The following CAMK4 variants were observed in gnomAD, a reference collection of about 807,000 sequenced individuals.
CAMK4 encodes calcium/calmodulin dependent protein kinase IV.
Under a neutral mutation model 44.9 loss-of-function variants are expected in CAMK4, and 22 were observed. That is an observed-to-expected ratio of 0.49 (90% CI 0.35 to 0.70). CAMK4 has a LOEUF of 0.70. Among genes scored for constraint, CAMK4 ranks in the 30% least tolerant of loss-of-function variants. The pLI is 0.01. For synonymous variants in CAMK4, 218 were observed against 215.4 expected (o/e 1.01, Z -0.11); for missense variants, 498 against 586.8 (o/e 0.85, Z 1.56).
chr5:111,288,502 T>G (rs1644512), intron 1 of CAMK4, among the ~76,000 whole-genome samples: 43,475 of 152,166 alleles, frequency 0.29, 7,356 homozygotes, highest in East Asian at 0.43. Flanking sequence ...ACATTTTAAT[T>G]TATATTTTTC....
At chr5:111,422,147 C>G (rs1188544416) in intron 5 of CAMK4, among the ~76,000 whole-genome samples, 1 of 152,208 alleles carries the variant, frequency 6.6e-6, no homozygotes, top group Non-Finnish European at 1.5e-5. Context: ...CTAACCTTAG[C>G]AGTCTATACA....
intron 1 of CAMK4, among the ~76,000 whole-genome samples, chr5:111,311,888 T>C (rs1252636229): frequency 6.6e-6 from 1 of 152,168 alleles, no homozygotes; most frequent in Non-Finnish European, 1.5e-5. Flanking sequence ...GTGTTGTTGC[T>C]ATTTGGCTTT....
At chr5:111,371,435 C>T (rs902070501) in intron 2 of CAMK4, among the ~76,000 whole-genome samples, 1 of 152,208 alleles carries the variant, frequency 6.6e-6, no homozygotes, top group Non-Finnish European at 1.5e-5. Flanking sequence ...ATTCTTCCAT[C>T]TTTCACTATC....
At chr5:111,449,923 T>C (rs1366261847) in intron 7 of CAMK4, 1 of 152,246 alleles carries the variant, frequency 6.6e-6, no homozygotes, top group African/African-American at 2.4e-5. Context: ...TTATTGAATA[T>C]GTCACAGATC....
At chr5:111,469,206 T>TATATATA (rs1754976242) in intron 7 of CAMK4, among the ~76,000 whole-genome samples, 7 of 134,996 alleles carry the variant, frequency 5.2e-5, no homozygotes, top group Non-Finnish European at 7.8e-5. Context: ...TATATATATA[T>TATATATA]TTGAAAGTTA....
At chr5:111,295,832 C>T (rs897069075) in intron 1 of CAMK4, among the ~76,000 whole-genome samples, 1 of 152,072 alleles carries the variant, frequency 6.6e-6, no homozygotes, top group Non-Finnish European at 1.5e-5. Context: ...ATATGCTTTT[C>T]GGTTTTGGTC....
Position 111,482,944 on chromosome 5 carries a change from T to C in CAMK4, c.981+7T>C. On this transcript the variant is annotated splice_region_variant and intron_variant, in intron 10 of 10. Transcript: ENST00000282356. This position sits in a 1 kb window ranked among gnomAD's most constrained non-coding sequence, Gnocchi z 4.9. The stretch of plus-strand genomic sequence containing the variant: ...TGCCCGGCGTAAGCTTAAGGTAAGA[T>C]AGCATATATTTTGTTTTGTTTTGTT... The C allele has an allele frequency of 6.3e-7, 1 of 1,587,866 alleles. No homozygotes were observed. The highest frequency in any genetic ancestry group is 8.5e-7 in the Non-Finnish European group (1 of 1,171,988).
At chr5:111,231,871 C>G (rs1278870133) in intron 1 of CAMK4, among the ~76,000 whole-genome samples, 1 of 152,034 alleles carries the variant, frequency 6.6e-6, no homozygotes, top group Non-Finnish European at 1.5e-5. Flanking sequence ...CTAGACTTGT[C>G]CACATGCAGA....
intron 7 of CAMK4, among the ~76,000 whole-genome samples, chr5:111,459,607 T>C (rs1021276155): frequency 1.3e-5 from 2 of 152,138 alleles, no homozygotes; most frequent in African/African-American, 4.8e-5. Flanking sequence ...ATTGAGATGG[T>C]TGATAAAATC....
chr5:111,303,233 A>G (rs306132), intron 1 of CAMK4, among the ~76,000 whole-genome samples: 63,898 of 120,162 alleles, frequency 0.53, 18,100 homozygotes, highest in East Asian at 0.73. Context: ...CAACGGAACA[A>G]AGCTGGATGG....
intron 1 of CAMK4, among the ~76,000 whole-genome samples, chr5:111,245,643 C>A (rs889042418): frequency 2.0e-5 from 3 of 152,166 alleles, no homozygotes; most frequent in Non-Finnish European, 4.4e-5. Flanking sequence ...CTTGACTTCT[C>A]CAACTGATTC....
chr5:111,375,814 T>C (rs1229064688), intron 3 of CAMK4, among the ~76,000 whole-genome samples: 2 of 152,134 alleles, frequency 1.3e-5, no homozygotes, highest in African/African-American at 4.8e-5. Flanking sequence ...TCCTCATGCT[T>C]TTCCCTCCTG....
At chr5:111,478,698 A>G (rs1274224201) in intron 9 of CAMK4, among the ~76,000 whole-genome samples, 191 bp downstream of exon 9, 1 of 152,212 alleles carries the variant, frequency 6.6e-6, no homozygotes, top group Non-Finnish European at 1.5e-5. Context: ...TTTTTGACTC[A>G]TCACTAGTTG....
chr5:111,484,418 T>G lies in CAMK4; in HGVS notation c.1374T>G (p.Ala458=), dbSNP rs6886469. The G allele has an allele frequency of 1.3e-3, 2,037 of 1,544,632 alleles. 26 individuals carry two copies. In the African/African-American group the frequency reaches 0.024, roughly 19 times the overall value. The change falls in exon 11 of 11, where the codon GCT becomes GCG. Residue 458 remains alanine, a synonymous_variant. Coordinates refer to ENST00000282356, the MANE Select transcript of CAMK4 (RefSeq NM_001744.6). The surrounding 1 kb of genome is among the most constrained non-coding windows in gnomAD (Gnocchi z 5.3). ...AAPREGQGSS[A]VGFEVPQQDV... ...CCAGAGAAGGGCAAGGAAGCTCTGC[T>G]GTGGGTTTTGAAGTTCCACAGCAAG...
At chr5:111,375,435 A>G (rs1041616030) in intron 3 of CAMK4, among the ~76,000 whole-genome samples, 1 of 152,174 alleles carries the variant, frequency 6.6e-6, no homozygotes, top group Non-Finnish European at 1.5e-5. Context: ...AAGATCTAGT[A>G]AAAAGCGTTC....
chr5:111,371,902 C>T lies in CAMK4; in HGVS notation c.241-2948C>T, dbSNP rs1011872945. 3.3e-5 allele frequency among the ~76,000 whole-genome samples: 5 copies of T among 152,132 alleles called. No individual in the cohort carries two copies. In the East Asian group the frequency reaches 9.6e-4, roughly 29 times the overall value. ...GACATCAAAACAATTGACAAGGTTG[C>T]TGCCCAGAAGTAGAGAAAACAGCAG... On this transcript the variant is annotated intron_variant, in intron 2 of 10. Coordinates refer to ENST00000282356, the MANE Select transcript of CAMK4 (RefSeq NM_001744.6).
chr5:111,231,260 A>T (rs917485726), intron 1 of CAMK4, among the ~76,000 whole-genome samples: 8 of 152,190 alleles, frequency 5.3e-5, no homozygotes, highest in African/African-American at 1.9e-4. Flanking sequence ...ATTCATAGTG[A>T]TGGGTAAAGG....
In CAMK4 at chr5:111,261,127, A is replaced by C. The variant is rs185797227; in HGVS notation, c.161+36483A>C. ...CAACCACTTTATCCTTAAAGACACA[A>C]TTTGGATGTCATACACAGTGAAGAT... On this transcript the variant is annotated intron_variant, in intron 1 of 10. Transcript: ENST00000282356. 1.1e-3 allele frequency among the ~76,000 whole-genome samples: 162 copies of C among 152,266 alleles called. 1 individual carries two copies. The highest frequency in any genetic ancestry group is 3.7e-3 in the African/African-American group (155 of 41,564).
intron 1 of CAMK4, among the ~76,000 whole-genome samples, chr5:111,244,861 A>G (rs1177134396): frequency 6.6e-6 from 1 of 152,138 alleles, no homozygotes; most frequent in Non-Finnish European, 1.5e-5. Flanking sequence ...ATTCTGTCTC[A>G]AAAAATTAAA....
Sources: allele counts gnomAD v4.1 joint callset (sites outside exome capture counted in the v4.1 genomes callset), GRCh38; gene constraint gnomAD v4.1.1; non-coding constraint Gnocchi (gnomAD v3.1); transcripts MANE v1.5; gene names NCBI Gene and HGNC (gene_info 2026-07-23, HGNC 2026-07-21).